Variants in NEXMIF observed in about 807,000 individuals in gnomAD.
The protein encoded by NEXMIF is neurite extension and migration factor.
Under a neutral mutation model 62.1 loss-of-function variants are expected in NEXMIF, and 8 were observed. The observed-to-expected ratio is 0.13, with a 90% CI of 0.08 to 0.23. The LOEUF is 0.23. Ranked by LOEUF, NEXMIF falls within the 10% of genes least tolerant of loss-of-function variation. The pLI is 1.00. For synonymous variants in NEXMIF, 404 were observed against 416.6 expected (o/e 0.97, Z 0.37); for missense variants, 976 against 1,113.3 (o/e 0.88, Z 1.75).
At chrX:74,840,167 G>C (rs1471423763) in intron 1 of NEXMIF, among the ~76,000 whole-genome samples, 1 of 111,874 alleles carries the variant, frequency 8.9e-6, no homozygotes, top group Admixed American at 9.5e-5. Flanking sequence ...AATGATCAGT[G>C]ATTTTGAGCT....
intron 1 of NEXMIF, among the ~76,000 whole-genome samples, chrX:74,852,995 A>G (rs1396555079): frequency 2.7e-5 from 3 of 110,971 alleles, no homozygotes; most frequent in Non-Finnish European, 3.8e-5. Flanking sequence ...ACAAAGCATC[A>G]ACAAAATGAA....
chrX:74,855,434 A>G (rs958623638), intron 1 of NEXMIF, among the ~76,000 whole-genome samples: 30 of 112,289 alleles, frequency 2.7e-4, no homozygotes, highest in Admixed American at 1.9e-4. Context: ...ATTGTGTATT[A>G]TCATGGCTGT....
At chrX:74,888,008 A>T (rs1033002118) in intron 1 of NEXMIF, among the ~76,000 whole-genome samples, 7 of 110,744 alleles carry the variant, frequency 6.3e-5, no homozygotes, top group African/African-American at 2.3e-4. Context: ...GACATGGATG[A>T]AACCATCATT....
chrX:74,861,058 AG>A (rs1180279804), intron 1 of NEXMIF, among the ~76,000 whole-genome samples: 2 of 112,269 alleles, frequency 1.8e-5, no homozygotes, highest in Non-Finnish European at 3.8e-5. Context: ...GAGCTAAAAA[AG>A]GATGTCCTAA....
intron 1 of NEXMIF, among the ~76,000 whole-genome samples, chrX:74,852,979 A>T (rs956241657): frequency 2.7e-5 from 3 of 111,447 alleles, no homozygotes; most frequent in African/African-American, 9.8e-5. Flanking sequence ...AGAGACTAAA[A>T]AATTTACAAA....
intron 1 of NEXMIF, among the ~76,000 whole-genome samples, chrX:74,764,998 G>GATCT (rs1484390383): frequency 9.0e-6 from 1 of 111,483 alleles, no homozygotes; most frequent in Non-Finnish European, 1.9e-5. Flanking sequence ...TTGCCTTGAT[G>GATCT]ATCTGTCTAA....
At chrX:74,777,762 A>T (rs2080232852) in intron 1 of NEXMIF, among the ~76,000 whole-genome samples, 2 of 111,865 alleles carry the variant, frequency 1.8e-5, no homozygotes, top group Non-Finnish European at 3.8e-5. Context: ...AATGAGACAC[A>T]CCAAAAACAG....
intron 1 of NEXMIF, among the ~76,000 whole-genome samples, chrX:74,820,892 T>C (rs917032279): frequency 4.5e-5 from 5 of 110,739 alleles, no homozygotes; most frequent in South Asian, 3.9e-4. Context: ...AGGGTGAACA[T>C]TGAGAAACTA....
At chrX:74,827,973 T>C (rs772966477) in intron 1 of NEXMIF, among the ~76,000 whole-genome samples, 2 of 112,005 alleles carry the variant, frequency 1.8e-5, no homozygotes, top group Admixed American at 1.9e-4. Context: ...TTGGTGCATA[T>C]AGTTTCCTAA....
chrX:74,872,003 A>G (rs1232125763), intron 1 of NEXMIF, among the ~76,000 whole-genome samples: 1 of 111,743 alleles, frequency 8.9e-6, no homozygotes, highest in Non-Finnish European at 1.9e-5. Context: ...AAGAAATTAT[A>G]AGAGTATTAA....
intron 1 of NEXMIF, among the ~76,000 whole-genome samples, chrX:74,746,768 C>A (rs1469052395): frequency 8.9e-6 from 1 of 112,626 alleles, no homozygotes; most frequent in Admixed American, 9.4e-5. Flanking sequence ...CTGTATTAGG[C>A]AGTCTCTCAG....
chrX:74,877,207 C>T (rs1349382276), intron 1 of NEXMIF, among the ~76,000 whole-genome samples: 1 of 111,035 alleles, frequency 9.0e-6, no homozygotes, highest in African/African-American at 3.3e-5. Context: ...AATCTCTCAG[C>T]ATTTGCTTAT....
chrX:74,919,622 CT>C (rs746262061), intron 1 of NEXMIF, among the ~76,000 whole-genome samples: 97 of 109,904 alleles, frequency 8.8e-4, no homozygotes, highest in African/African-American at 2.4e-3. Flanking sequence ...TACACCTGTT[CT>C]TTTTTTTTAT....
intron 1 of NEXMIF, among the ~76,000 whole-genome samples, chrX:74,871,805 T>C (rs767143298): frequency 2.7e-5 from 3 of 111,807 alleles, no homozygotes; most frequent in African/African-American, 9.7e-5. Context: ...ATTGCTATTA[T>C]TCTGTTTTTT....
intron 1 of NEXMIF, among the ~76,000 whole-genome samples, chrX:74,762,590 A>ACT (rs2080180387): frequency 8.9e-6 from 1 of 111,778 alleles, no homozygotes; most frequent in African/African-American, 3.3e-5. Flanking sequence ...ACGGTGTAAA[A>ACT]GCATTCCTAT....
At position 74,744,972 on chromosome X, in the gene NEXMIF, C is replaced by CCT. The variant is rs1163945011; in HGVS notation, c.80-497_80-496dup. ...CTCTTCTCTCTCCTCCCTCTCTCTC[C>CCT]CTCTCTCCCTCTCTCTCTTTCTTTC... is the stretch of plus-strand genomic sequence containing the variant. On this transcript the variant is annotated intron_variant, in intron 2 of 3. Transcript: ENST00000055682. Among the ~76,000 whole-genome samples, 5 of 94,490 alleles carry CCT rather than the reference C, an allele frequency of 5.3e-5. No homozygotes were observed. In the East Asian group the frequency reaches 1.0e-3, roughly 19 times the overall value. 82.1% of individuals were successfully genotyped at this position (94,490 alleles called of 115,157 possible). A position where few individuals can be genotyped will look rare whatever the true frequency, so the allele number is the denominator to read the frequency against.
rs201960631 is a variant in NEXMIF, at chrX:74,884,659, G to A, written c.-48+40224C>T. 4.5e-5 allele frequency among the ~76,000 whole-genome samples: 5 copies of A among 111,103 alleles called. No homozygotes were observed. The East Asian group carries it at 1.4e-3, about 32-fold the overall frequency. Reference sequence around the variant, plus strand: ...AGATTCATAAAGCAAGTCCTTAGTGGCCTACAAAGTGACTTAGACTCCCAC... The same window carrying A: ...AGATTCATAAAGCAAGTCCTTAGTGACCTACAAAGTGACTTAGACTCCCAC... On this transcript the variant is annotated intron_variant, in intron 1 of 3. Coordinates refer to ENST00000055682, the MANE Select transcript of NEXMIF (RefSeq NM_001008537.3).
chrX:74,794,164 T>C (rs1287877957), intron 1 of NEXMIF, among the ~76,000 whole-genome samples: 1 of 110,656 alleles, frequency 9.0e-6, no homozygotes, highest in Non-Finnish European at 1.9e-5. Context: ...GGTTTGGATG[T>C]CCTTTCTGTT....
intron 1 of NEXMIF, among the ~76,000 whole-genome samples, chrX:74,911,994 C>T (rs184919413): frequency 4.5e-5 from 5 of 111,953 alleles, no homozygotes; most frequent in Admixed American, 9.4e-5. Context: ...GAAAATATAA[C>T]GAACTGCCCC....
Sources: allele counts gnomAD v4.1 joint callset (sites outside exome capture counted in the v4.1 genomes callset), GRCh38; gene constraint gnomAD v4.1.1; transcripts MANE v1.5; gene names NCBI Gene and HGNC (gene_info 2026-07-23, HGNC 2026-07-21).